Variants in PHACTR3 observed in about 807,000 individuals in gnomAD.
PHACTR3 encodes phosphatase and actin regulator 3, also known as protein phosphatase 1, regulatory subunit 123.
Under a neutral mutation model 66.8 loss-of-function variants are expected in PHACTR3, and 16 were observed. The observed-to-expected ratio is 0.24, with a 90% CI of 0.16 to 0.36. The LOEUF is 0.36. Ranked by LOEUF, PHACTR3 falls within the 10% of genes least tolerant of loss-of-function variation. The pLI is 1.00. For synonymous variants in PHACTR3, 323 were observed against 292.1 expected (o/e 1.11, Z -1.08); for missense variants, 647 against 719.9 (o/e 0.90, Z 1.16).
chr20:59,597,166 G>A (rs1443661324), intron 1 of PHACTR3, among the ~76,000 whole-genome samples: 2 of 152,210 alleles, frequency 1.3e-5, no homozygotes, highest in Non-Finnish European at 2.9e-5. Flanking sequence ...TGTCCTGTTG[G>A]TAACCCTTGT....
chr20:59,847,391 A>G lies in PHACTR3; in HGVS notation c.*261A>G. 1 of 352,784 alleles carries G rather than the reference A, an allele frequency of 2.8e-6. No homozygotes were observed. Among genetic ancestry groups the G allele is most frequent in the East Asian group, 3.8e-5 (1 of 26,132 alleles). The allele number at this position is 352,784 out of a possible 1,614,324, so 21.9% of individuals were successfully genotyped here. A position where few individuals can be genotyped will look rare whatever the true frequency, so the allele number is the denominator to read the frequency against. On this transcript the variant is annotated 3_prime_UTR_variant, in exon 13 of 13. Coordinates refer to ENST00000371015, the MANE Select transcript of PHACTR3 (RefSeq NM_080672.5). ...AGACCCAACATAACTCTATCAGAAG[A>G]AAACTGTTGTTTGCCTTTCAACCTT...
At chr20:59,798,266 G>A (rs1240513845) in intron 7 of PHACTR3, among the ~76,000 whole-genome samples, 1 of 152,166 alleles carries the variant, frequency 6.6e-6, no homozygotes, top group Non-Finnish European at 1.5e-5. Flanking sequence ...GAGCCCTCAA[G>A]CCATTCATGA....
intron 1 of PHACTR3, among the ~76,000 whole-genome samples, chr20:59,636,996 T>A (rs78719486): frequency 2.0e-5 from 3 of 152,262 alleles, no homozygotes; most frequent in African/African-American, 7.2e-5. Context: ...CAACACAGAC[T>A]CTGATCCAAG....
Position 59,608,981 on chromosome 20 carries a change from C to A in PHACTR3, c.118+3849C>A, listed in dbSNP as rs1323449412. ...CAGCACAGAGCTCAGATGCAGGAGACTTTCAGTAAGCATTTGTAGGACGAA... is the reference window on the plus strand; with the variant it reads ...CAGCACAGAGCTCAGATGCAGGAGAATTTCAGTAAGCATTTGTAGGACGAA... On this transcript the variant is annotated intron_variant, in intron 1 of 12. Transcript: ENST00000371015. 2.0e-5 allele frequency among the ~76,000 whole-genome samples: 3 copies of A among 152,344 alleles called. No individual in the cohort carries two copies. The South Asian group carries it at 6.2e-4, about 32-fold the overall frequency.
chr20:59,680,782 A>G (rs139454873), intron 1 of PHACTR3, among the ~76,000 whole-genome samples: 1,791 of 152,308 alleles, frequency 0.012, 38 homozygotes, highest in African/African-American at 0.04. Context: ...CCCTGATAGT[A>G]ACCCAAAACT....
At chr20:59,798,232 G>A (rs2041309952) in intron 7 of PHACTR3, among the ~76,000 whole-genome samples, 1 of 152,110 alleles carries the variant, frequency 6.6e-6, no homozygotes, top group African/African-American at 2.4e-5. Flanking sequence ...TTTTTTAAGG[G>A]CCTTAAATCC....
intron 1 of PHACTR3, among the ~76,000 whole-genome samples, chr20:59,623,353 AC>A (rs2034328876): frequency 6.6e-6 from 1 of 152,036 alleles, no homozygotes; most frequent in Non-Finnish European, 1.5e-5. Flanking sequence ...TATTGTACGC[AC>A]CATGCAGCTG....
At chr20:59,840,580 T>C (rs962444108) in intron 10 of PHACTR3, 150 bp downstream of exon 10, 4 of 1,287,168 alleles carry the variant, frequency 3.1e-6, no homozygotes, top group Non-Finnish European at 4.2e-6. Context: ...ATCAGGATAT[T>C]TGCTCAGCAA....
At chr20:59,706,490 G>C (rs532726049) in intron 1 of PHACTR3, among the ~76,000 whole-genome samples, 1 of 152,298 alleles carries the variant, frequency 6.6e-6, no homozygotes, top group East Asian at 1.9e-4. Context: ...AGGTGGTTGG[G>C]CCTGGAGGCT....
intron 7 of PHACTR3, among the ~76,000 whole-genome samples, chr20:59,795,385 G>A (rs1031187871): frequency 5.8e-5 from 5 of 85,972 alleles, no homozygotes; most frequent in African/African-American, 2.4e-4. Context: ...AATTTGTTAA[G>A]ATTTGTTTTC....
At chr20:59,743,408 G>C in intron 2 of PHACTR3, 140 bp downstream of exon 2, 1 of 1,207,854 alleles carries the variant, frequency 8.3e-7, no homozygotes, top group Non-Finnish European at 1.1e-6. Context: ...TGATGGCCAG[G>C]AGCCATGCAA....
intron 1 of PHACTR3, 110 bp from the exon 2 acceptor site, chr20:59,742,997 T>G: frequency 8.0e-7 from 1 of 1,250,294 alleles, no homozygotes; most frequent in Non-Finnish European, 1.1e-6. Context: ...GGTCCAGGCT[T>G]TGGGGGGATC....
At chr20:59,757,646 C>T (rs2039849259) in intron 4 of PHACTR3, among the ~76,000 whole-genome samples, 2 of 152,104 alleles carry the variant, frequency 1.3e-5, no homozygotes, top group Admixed American at 6.5e-5. Context: ...GTCGGTGGAA[C>T]TTTAGTGATT....
At chr20:59,813,407 G>A (rs1290154002) in intron 8 of PHACTR3, among the ~76,000 whole-genome samples, 1 of 152,186 alleles carries the variant, frequency 6.6e-6, no homozygotes, top group Admixed American at 6.5e-5. Flanking sequence ...TACCTACAGG[G>A]GGAGGCTGCA....
chr20:59,767,543 G>A (rs1568798548), intron 5 of PHACTR3, 148 bp downstream of exon 5: 1 of 975,180 alleles, frequency 1.0e-6, no homozygotes, highest in East Asian at 2.6e-5. Context: ...GTCTTGATTG[G>A]GCACCAACTG....
chr20:59,816,185 G>C (rs969521442), intron 8 of PHACTR3, among the ~76,000 whole-genome samples: 6 of 152,060 alleles, frequency 3.9e-5, no homozygotes, highest in African/African-American at 9.6e-5. Context: ...CATAAGAAGT[G>C]TGCAACCCAG....
At chr20:59,621,259 G>A (rs1480852645) in intron 1 of PHACTR3, among the ~76,000 whole-genome samples, 3 of 152,240 alleles carry the variant, frequency 2.0e-5, no homozygotes, top group African/African-American at 7.2e-5. Context: ...ATTTGTAGGT[G>A]AGCACCCCAG....
At chr20:59,692,055 T>A (rs1478013555) in intron 1 of PHACTR3, among the ~76,000 whole-genome samples, 1 of 152,250 alleles carries the variant, frequency 6.6e-6, no homozygotes, top group East Asian at 1.9e-4. Context: ...CATTTATCTC[T>A]TAGCCTTCCG....
At chr20:59,662,168 G>C (rs2035830859) in intron 1 of PHACTR3, among the ~76,000 whole-genome samples, 1 of 152,148 alleles carries the variant, frequency 6.6e-6, no homozygotes, top group South Asian at 2.1e-4. Flanking sequence ...GATTCTGGTG[G>C]TGAACAAGAG....
Sources: allele counts gnomAD v4.1 joint callset (sites outside exome capture counted in the v4.1 genomes callset), GRCh38; gene constraint gnomAD v4.1.1; transcripts MANE v1.5; gene names NCBI Gene and HGNC (gene_info 2026-07-23, HGNC 2026-07-21).